FBN2: variants seen among roughly 807,000 people sequenced by gnomAD.
FBN2 encodes the protein fibrillin-2.
A neutral mutation model predicts 355.6 loss-of-function variants in FBN2; 105 were observed. That is an observed-to-expected ratio of 0.30 (90% CI 0.25 to 0.35). The LOEUF is 0.35. FBN2 is among the 10% of genes least tolerant of loss of function. The pLI is 1.00. For synonymous variants in FBN2, 1,350 were observed against 1,301.2 expected, an observed-to-expected ratio of 1.04 and a Z score of -0.81; for missense variants, 3,280 against 3,758.7, an observed-to-expected ratio of 0.87 and a Z score of 3.33.
chr5:128,268,082 T>G (rs1444795508), intron 62 of FBN2, among the ~76,000 whole-genome samples: 1 of 152,034 alleles, frequency 6.6e-6, no homozygotes, highest in Non-Finnish European at 1.5e-5. Context: ...AAAAAATCAA[T>G]GAATCCAGGA....
chr5:128,309,879 G>A (rs1006903977), intron 40 of FBN2, 104 bp downstream of exon 40: 24 of 1,304,546 alleles, frequency 1.8e-5, no homozygotes, highest in Admixed American at 3.4e-5. Context: ...CTCAATTCAC[G>A]AAGACTGAAC....
intron 7 of FBN2, among the ~76,000 whole-genome samples, chr5:128,440,583 C>A (rs1462951584): frequency 6.6e-6 from 1 of 152,192 alleles, no homozygotes; most frequent in African/African-American, 2.4e-5. Context: ...CAAGGCCCCT[C>A]TTCCAGCATT....
chr5:128,492,531 G>A (rs1360362827), intron 5 of FBN2, among the ~76,000 whole-genome samples: 2 of 152,126 alleles, frequency 1.3e-5, no homozygotes, highest in Non-Finnish European at 2.9e-5. Flanking sequence ...GGCTGGGCGC[G>A]GTAGCTCATG....
rs772096384 is a variant in FBN2, at chr5:128,288,535, G to C, written c.6660C>G (p.Gly2220=). Residue 2220 remains glycine, a synonymous_variant, in exon 53 of 65, where the codon GGC becomes GGG. Transcript: ENST00000262464. ...TGCATGTACCATTTCCACACGGATT[G>C]CCGATTGAACACTCATCAGTATCTG... ...RCVDTDECSI[G]NPCGNGTCTN... The C allele has an allele frequency of 1.1e-5, 18 of 1,613,616 alleles. No homozygotes were observed. The highest frequency in any genetic ancestry group is 1.4e-5 in the Non-Finnish European group (17 of 1,179,836).
At position 128,309,951 on chromosome 5, in the gene FBN2, T is replaced by G. The variant is rs56067608; in HGVS notation, c.5200+32A>C. ...GCTTTATGTGTGAAGTCAACAACTGTGCTCTAATTAATCTCAGAGTTCTTT... is the reference window on the plus strand; with the variant it reads ...GCTTTATGTGTGAAGTCAACAACTGGGCTCTAATTAATCTCAGAGTTCTTT... On this transcript the variant is annotated intron_variant, in intron 40 of 64. Coordinates refer to ENST00000262464, the MANE Select transcript of FBN2 (RefSeq NM_001999.4). 3.3e-4 allele frequency: 536 copies of G among 1,610,886 alleles called. 2 individuals carry two copies. The East Asian group carries it at 0.01, about 31-fold the overall frequency.
Position 128,537,580 on chromosome 5 carries a change from A to C in FBN2, c.24T>G (p.Cys8Trp), listed in dbSNP as rs1756892632. 6.2e-7 allele frequency: 1 copy of C among 1,607,092 alleles called. No individual in the cohort carries two copies. The highest frequency in any genetic ancestry group is 8.5e-7 in the Non-Finnish European group (1 of 1,178,172). Residue 8 changes from cysteine (C) to tryptophan (W), a missense_variant, in exon 1 of 65, where the codon TGT becomes TGG. Transcript: ENST00000262464. MGRRRRLCLQLYFLWLGC... is the reference protein window; with the variant it reads MGRRRRLWLQLYFLWLGC... ...CCAGCCACAGGAAGTAGAGCTGGAG[A>C]CACAGCCTCCGTCTTCTCCCCATCG...
intron 55 of FBN2, among the ~76,000 whole-genome samples, chr5:128,281,876 G>A (rs1216951450): frequency 6.6e-6 from 1 of 151,962 alleles, no homozygotes; most frequent in East Asian, 1.9e-4. Flanking sequence ...ATTTTTAGTA[G>A]AGACAGGGTT....
At chr5:128,288,186 T>C (rs1385112413) in intron 53 of FBN2, among the ~76,000 whole-genome samples, 2 of 152,120 alleles carry the variant, frequency 1.3e-5, no homozygotes, top group Admixed American at 6.5e-5. Context: ...TTCAAGGGAA[T>C]AGACAATCAA....
At chr5:128,420,365 T>C (rs1333769969) in intron 7 of FBN2, among the ~76,000 whole-genome samples, 3 of 152,208 alleles carry the variant, frequency 2.0e-5, no homozygotes, top group African/African-American at 7.2e-5. Context: ...TTTCCTCTAA[T>C]AGATAATTTG....
intron 7 of FBN2, among the ~76,000 whole-genome samples, chr5:128,441,459 T>C (rs1316426121): frequency 6.6e-6 from 1 of 152,204 alleles, no homozygotes; most frequent in Non-Finnish European, 1.5e-5. Flanking sequence ...CATATAATCC[T>C]AAGAAAGTTA....
intron 62 of FBN2, among the ~76,000 whole-genome samples, chr5:128,264,959 T>C (rs1309693467): frequency 6.6e-6 from 1 of 152,240 alleles, no homozygotes; most frequent in African/African-American, 2.4e-5. Flanking sequence ...TTTTGTATCA[T>C]GATTCTGATA....
In FBN2 at chr5:128,471,848, T is replaced by A. The variant is rs537214343; in HGVS notation, c.629-6927A>T. On this transcript the variant is annotated intron_variant, in intron 5 of 64. Coordinates refer to ENST00000262464, the MANE Select transcript of FBN2 (RefSeq NM_001999.4). ...ATGTAGTTTTTAATTTATTAGCTTT[T>A]AGGAGTTGAGTACTTTTTAAGGTGC... Among the ~76,000 whole-genome samples the A allele has an allele frequency of 2.6e-5, 4 of 152,294 alleles. No homozygotes were observed. In the South Asian group the frequency reaches 6.2e-4, roughly 24 times the overall value.
intron 34 of FBN2, among the ~76,000 whole-genome samples, chr5:128,319,438 A>AT (rs35455408): frequency 0.79 from 120,551 of 151,682 alleles, 48,148 homozygotes; most frequent in East Asian, 0.93. Context: ...ATACATAATC[A>AT]TTTTAAATAT....
At chr5:128,434,394 G>GCATATATATATATATA (rs1554068954) in intron 7 of FBN2, among the ~76,000 whole-genome samples, 67 of 91,672 alleles carry the variant, frequency 7.3e-4, no homozygotes, top group Non-Finnish European at 1.0e-3. Context: ...AATAAAGTGT[G>GCATATATATATATATA]TATATATATA....
At chr5:128,343,986 T>G (rs1178968226) in intron 25 of FBN2, among the ~76,000 whole-genome samples, 1 of 152,144 alleles carries the variant, frequency 6.6e-6, no homozygotes, top group Non-Finnish European at 1.5e-5. Context: ...ATCCCAGCAC[T>G]TGGGGAGGCC....
intron 62 of FBN2, among the ~76,000 whole-genome samples, chr5:128,267,614 GT>G (rs1002430904): frequency 5.3e-5 from 8 of 151,008 alleles, no homozygotes; most frequent in South Asian, 4.2e-4. Flanking sequence ...CCACATAAAT[GT>G]TTTTTTTTGA....
At chr5:128,322,196 AT>A (rs2126878089) in intron 34 of FBN2, among the ~76,000 whole-genome samples, 1 of 152,140 alleles carries the variant, frequency 6.6e-6, no homozygotes, top group Admixed American at 6.5e-5. Flanking sequence ...CCTTTGTCCG[AT>A]AGATAGATTA....
rs999576524 is a variant in FBN2 at position 128,427,741 on chromosome 5, T to C, written c.952+18740A>G. ...ACTTTGCCTGTAACTTCTGCTTTCC[T>C]GCCTTTAGAAATCCTTACCTATAAG... On this transcript the variant is annotated intron_variant, in intron 7 of 64. Coordinates refer to ENST00000262464, the MANE Select transcript of FBN2 (RefSeq NM_001999.4). Among the ~76,000 whole-genome samples, 6 of 152,322 alleles carry C rather than the reference T, an allele frequency of 3.9e-5. No individual in the cohort carries two copies. In the East Asian group the frequency reaches 1.2e-3, roughly 29 times the overall value.
chr5:128,295,338 T>C (rs1349298775), intron 48 of FBN2, among the ~76,000 whole-genome samples: 1 of 151,904 alleles, frequency 6.6e-6, no homozygotes, highest in Non-Finnish European at 1.5e-5. Flanking sequence ...TGGTTCCATA[T>C]GAACTTTAAA....
Sources: gnomAD v4.1 joint callset for allele counts (sites outside exome capture counted in the v4.1 genomes callset) on GRCh38, gnomAD v4.1.1 for gene constraint, MANE v1.5 for transcripts, NCBI Gene and HGNC (gene_info 2026-07-23, HGNC 2026-07-21) for gene names.